Variants in DDX24 observed in about 807,000 individuals in gnomAD.
DDX24 encodes ATP-dependent RNA helicase DDX24.
DDX24 carries 24 observed loss-of-function variants against 68.9 expected under a neutral mutation model. That is an observed-to-expected ratio of 0.35 (90% CI 0.25 to 0.49). The LOEUF is 0.49. DDX24 is among the 20% of genes least tolerant of loss of function. The pLI is 0.99. For missense variants in DDX24, 989 were observed against 1,039.0 expected (o/e 0.95, Z 0.66); for synonymous variants, 395 against 385.2 (o/e 1.03, Z -0.30).
intron 1 of DDX24, among the ~76,000 whole-genome samples, chr14:94,080,178 G>A (rs575311857): frequency 1.3e-4 from 20 of 152,366 alleles, no homozygotes; most frequent in Non-Finnish European, 2.2e-4. Context: ...TGAAGGCAGA[G>A]TAAGAATCTC....
In DDX24 at chr14:94,062,601, A is replaced by G; in HGVS notation, c.739T>C (p.Phe247Leu). The change falls in exon 3 of 9, where the codon TTT (phenylalanine) becomes CTT (leucine). Residue 247 changes from phenylalanine to leucine, a missense_variant. Phe to Leu is a conservative substitution (Grantham distance 22). This residue lies in a region of DDX24 where 691 missense variants were observed against 760.0 expected (regional missense o/e 0.91). Transcript: ENST00000621632. The part of the protein sequence containing the change: ...AETGSGKTLA[F>L]AIPMIHAVLQ... ...ACCGCATGAATCATTGGGATGGCAA[A>G]GGCAAGAGTTTTCCCACTTCCTTAA... 1 of 1,595,876 alleles carries G rather than the reference A, an allele frequency of 6.3e-7. No individual in the cohort carries two copies. The highest frequency in any genetic ancestry group is 2.2e-5 in the East Asian group (1 of 44,700).
Position 94,062,081 on chromosome 14 carries a change from T to G in DDX24, c.1243+16A>C. The G allele has an allele frequency of 6.3e-7, 1 of 1,575,424 alleles. No individual in the cohort carries two copies. Among genetic ancestry groups the G allele is most frequent in the Non-Finnish European group, 8.6e-7 (1 of 1,161,548 alleles). On this transcript the variant is annotated intron_variant, in intron 3 of 8. Transcript: ENST00000621632. Reference sequence around the variant, plus strand: ...ATTTACCTAGAAAATATTTATTAAATGGAACTAAACCTCACCTGTAAACCT... The same window carrying G: ...ATTTACCTAGAAAATATTTATTAAAGGGAACTAAACCTCACCTGTAAACCT...
At chr14:94,069,154 A>G (rs1456362333) in intron 2 of DDX24, among the ~76,000 whole-genome samples, 1 of 152,206 alleles carries the variant, frequency 6.6e-6, no homozygotes, top group Admixed American at 6.5e-5. Flanking sequence ...GAAAATCAAA[A>G]TAACCTCACT....
Position 94,057,843 on chromosome 14 carries a change from G to T in DDX24, c.1968C>A (p.Val656=). Reference sequence around the variant, plus strand: ...CTACCTGGTAATGGATGACATGCTGGACTTTAGGAATATCCAGACCCCGAG... The same window carrying T: ...CTACCTGGTAATGGATGACATGCTGTACTTTAGGAATATCCAGACCCCGAG... ...VAARGLDIPK[V]QHVIHYQVPR... The change falls in exon 6 of 9, where the codon GTC becomes GTA. Residue 656 remains valine, a synonymous_variant. Coordinates refer to ENST00000621632, the MANE Select transcript of DDX24 (RefSeq NM_020414.4). The T allele has an allele frequency of 6.2e-7, 1 of 1,613,690 alleles. No individual in the cohort carries two copies. Among genetic ancestry groups the T allele is most frequent in the Non-Finnish European group, 8.5e-7 (1 of 1,179,842 alleles).
chr14:94,073,316 C>T lies in DDX24; in HGVS notation c.718+5709G>A, dbSNP rs370863578. 2.0e-5 allele frequency among the ~76,000 whole-genome samples: 3 copies of T among 152,058 alleles called. No individual in the cohort carries two copies. The East Asian group carries it at 5.8e-4, about 29-fold the overall frequency. On this transcript the variant is annotated intron_variant, in intron 2 of 8. Transcript: ENST00000621632. ...GCCAGGCTGGTTTTGAACTCCTGGC[C>T]TCAAGTGATCCACATGCCTTGGCCT... is the stretch of plus-strand genomic sequence containing the variant.
At chr14:94,056,946 C>G (rs1885503066) in intron 6 of DDX24, 1 of 152,000 alleles carries the variant, frequency 6.6e-6, no homozygotes, top group South Asian at 2.1e-4. Flanking sequence ...GAAACAGCAG[C>G]CTAAAAGATT....
chr14:94,070,891 T>C (rs886908012), intron 2 of DDX24, among the ~76,000 whole-genome samples: 1 of 152,228 alleles, frequency 6.6e-6, no homozygotes, highest in African/African-American at 2.4e-5. Flanking sequence ...ACCTAAGACC[T>C]GAAACTATAA....
chr14:94,054,078 A>G (rs569854452), intron 7 of DDX24, among the ~76,000 whole-genome samples: 1 of 152,308 alleles, frequency 6.6e-6, no homozygotes, highest in South Asian at 2.1e-4. Flanking sequence ...CTTTACGCAG[A>G]TGCCACAGCT....
chr14:94,065,001 G>A (rs868446797), intron 2 of DDX24, among the ~76,000 whole-genome samples: 1 of 152,074 alleles, frequency 6.6e-6, no homozygotes, highest in South Asian at 2.1e-4. Context: ...CTGGTTGTGA[G>A]TGTGGGAAAA....
rs1885467537 is a variant in DDX24, at chr14:94,055,118, G to A, written c.2056C>T (p.Leu686Phe). The A allele has an allele frequency of 6.2e-7, 1 of 1,614,182 alleles. No homozygotes were observed. Residue 686 changes from leucine (L) to phenylalanine (F), a missense_variant, in exon 7 of 9, where the codon CTC becomes TTC. Leu to Phe is a conservative substitution (Grantham distance 22). This residue lies in a region of DDX24 where 691 missense variants were observed against 760.0 expected (regional missense o/e 0.91). Transcript: ENST00000621632. ...GRTARATNEG[L>F]SLMLIGPEDV... ...TCAGGCCCAATGAGCATCAGACTGAGGCCTTCATTGGTAGCTCGAGCAGTT... is the reference window on the plus strand; with the variant it reads ...TCAGGCCCAATGAGCATCAGACTGAAGCCTTCATTGGTAGCTCGAGCAGTT...
intron 4 of DDX24, 48 bp from the exon 5 acceptor site, chr14:94,060,661 G>A (rs1456701192): frequency 6.3e-7 from 1 of 1,589,226 alleles, no homozygotes; most frequent in East Asian, 2.2e-5. Context: ...CGGGTTAAGA[G>A]GAATCATCTA....
At chr14:94,062,647 G>C (rs778225513) in intron 2 of DDX24, 26 bp from the exon 3 acceptor site, 3 of 1,562,874 alleles carry the variant, frequency 1.9e-6, no homozygotes, top group Non-Finnish European at 2.6e-6. Context: ...ACAAAACAAA[G>C]TAAAAACAGT....
chr14:94,062,444 G>C lies in DDX24; in HGVS notation c.896C>G (p.Pro299Arg), dbSNP rs531814423. The stretch of plus-strand genomic sequence containing the variant: ...TTCACTCTCAATTACAGTATCGTCA[G>C]GCAATGCATCAGACTCAGCTTCAGC... ...GKAEAESDAL[P>R]DDTVIESEAL... Residue 299 changes from proline to arginine, a missense_variant, in exon 3 of 9, where the codon CCT becomes CGT. Around this residue, in one of 3 missense-constraint regions of DDX24, gnomAD observed 691 missense variants for 760.0 expected, o/e 0.91. Coordinates refer to ENST00000621632, the MANE Select transcript of DDX24 (RefSeq NM_020414.4). 50 of 1,614,040 alleles carry C rather than the reference G, an allele frequency of 3.1e-5. No homozygotes were observed. Among genetic ancestry groups the C allele is most frequent in the Non-Finnish European group, 4.1e-5 (48 of 1,180,044 alleles).
At chr14:94,059,979 C>G in intron 5 of DDX24, 119 bp downstream of exon 5, 1 of 1,176,456 alleles carries the variant, frequency 8.5e-7, no homozygotes, top group Non-Finnish European at 1.2e-6. Flanking sequence ...AGGCTACCTA[C>G]TACTGAGACA....
intron 6 of DDX24, 88 bp from the exon 7 acceptor site, chr14:94,055,272 C>T (rs1446971035): frequency 1.4e-6 from 2 of 1,381,610 alleles, no homozygotes; most frequent in African/African-American, 2.9e-5. Flanking sequence ...ACCAGACCCT[C>T]CTACCTCCCA....
At chr14:94,067,926 C>G (rs1885738601) in intron 2 of DDX24, among the ~76,000 whole-genome samples, 1 of 152,004 alleles carries the variant, frequency 6.6e-6, no homozygotes, top group African/African-American at 2.4e-5. Context: ...TGCAGACATA[C>G]AAGTTAAAAA....
chr14:94,062,173 A>G lies in DDX24; in HGVS notation c.1167T>C (p.Leu389=). The G allele has an allele frequency of 6.2e-7, 1 of 1,614,104 alleles. No homozygotes were observed. Among genetic ancestry groups the G allele is most frequent in the Non-Finnish European group, 8.5e-7 (1 of 1,180,016 alleles). ...TCKAYPKRPL[L]GLVLTPTREL... ...CTCGAGTGGGAGTCAGAACCAGTCC[A>G]AGCAGAGGACGCTTTGGATATGCCT... Residue 389 remains leucine, a synonymous_variant, in exon 3 of 9, where the codon CTT becomes CTC. Coordinates refer to ENST00000621632, the MANE Select transcript of DDX24 (RefSeq NM_020414.4).
chr14:94,076,157 G>A (rs1219643368), intron 2 of DDX24, among the ~76,000 whole-genome samples: 1 of 152,112 alleles, frequency 6.6e-6, no homozygotes, highest in Non-Finnish European at 1.5e-5. Context: ...TGGTACAATA[G>A]TATTTACAAT....
At position 94,081,153 on chromosome 14, in the gene DDX24, G is replaced by A. The variant is rs955086632; in HGVS notation, c.-40C>T. 6.6e-5 allele frequency: 10 copies of A among 152,330 alleles called. No homozygotes were observed. Among genetic ancestry groups the A allele is most frequent in the African/African-American group, 2.2e-4 (9 of 41,476 alleles). 9.4% of individuals were successfully genotyped at this position (152,330 alleles called of 1,614,324 possible). On this transcript the variant is annotated 5_prime_UTR_variant, in exon 1 of 9. Coordinates refer to ENST00000621632, the MANE Select transcript of DDX24 (RefSeq NM_020414.4). ...ACGCCACCGCAGCTCCGTCAGTCGC[G>A]AGTGAAGAACCTCAGAAACCGCCGC...
Sources: gnomAD v4.1 joint callset for allele counts (sites outside exome capture counted in the v4.1 genomes callset) on GRCh38, gnomAD v4.1.1 for gene constraint, gnomAD v4.1.1 regional missense constraint, MANE v1.5 for transcripts, NCBI Gene and HGNC (gene_info 2026-07-23, HGNC 2026-07-21) for gene names.